The following ADNP variants were observed in gnomAD, a reference collection of about 807,000 sequenced individuals.
The protein encoded by ADNP is activity dependent neuroprotector homeobox, also known as activity-dependent neuroprotector homeobox protein.
ADNP carries 4 observed loss-of-function variants against 84.9 expected under a neutral mutation model. That is an observed-to-expected ratio of 0.05 (90% CI 0.02 to 0.11). The LOEUF (loss-of-function observed/expected upper bound fraction) is 0.11, where lower values mean the gene tolerates loss of function less well. Among genes scored for constraint, ADNP ranks in the 10% least tolerant of loss-of-function variants. The probability of loss-of-function intolerance (pLI) is 1.00; values close to 1 mark genes in which losing one functional copy is unlikely to be tolerated. For missense variants in ADNP, 1,132 were observed against 1,326.0 expected, an observed-to-expected ratio of 0.85 and a Z score of 2.27; for synonymous variants, 554 against 468.1, an observed-to-expected ratio of 1.18 and a Z score of -2.37.
Position 50,891,959 on chromosome 20 carries a change from C to G in ADNP, c.2755G>C (p.Asp919His). ...AGCTTCTCCTCAGATTCTGAAGCAT[C>G]CTCAGGAATTACCTTCAGTACATGT... ...EEHVLKVIPE[D>H]ASESEEKLDQ... is the part of the protein sequence containing the mutation. Residue 919 changes from aspartate to histidine, a missense_variant, in exon 6 of 6, where the codon GAT (aspartate) becomes CAT (histidine). Asp to His is a moderately conservative substitution (Grantham distance 81). Transcript: ENST00000621696. The G allele has an allele frequency of 6.2e-7, 1 of 1,614,180 alleles. No homozygotes were observed. Among genetic ancestry groups the G allele is most frequent in the Non-Finnish European group, 8.5e-7 (1 of 1,180,030 alleles).
chr20:50,927,977 C>T (rs1984398751), intron 2 of ADNP, among the ~76,000 whole-genome samples: 1 of 152,238 alleles, frequency 6.6e-6, no homozygotes, highest in Non-Finnish European at 1.5e-5. Flanking sequence ...TACCTGCCTA[C>T]AAATACTATA....
intron 5 of ADNP, among the ~76,000 whole-genome samples, chr20:50,897,725 A>T (rs772995805): frequency 2.6e-5 from 4 of 152,214 alleles, no homozygotes; most frequent in Admixed American, 6.5e-5. Context: ...TAACTCCATC[A>T]GTTGGATCAA....
intron 5 of ADNP, among the ~76,000 whole-genome samples, chr20:50,900,549 G>A (rs562018709): frequency 1.3e-5 from 2 of 152,272 alleles, no homozygotes; most frequent in South Asian, 2.1e-4. Flanking sequence ...CATATGTTGC[G>A]CTATGATGTC....
chr20:50,925,976 C>T (rs1444706724), intron 2 of ADNP, among the ~76,000 whole-genome samples: 2 of 152,196 alleles, frequency 1.3e-5, no homozygotes, highest in African/African-American at 4.8e-5. Context: ...TGGCAGGCAC[C>T]TGTAATCCCA....
At chr20:50,923,586 T>C (rs1216887627) in intron 2 of ADNP, among the ~76,000 whole-genome samples, 1 of 152,130 alleles carries the variant, frequency 6.6e-6, no homozygotes. Context: ...GGTGCCATCT[T>C]GGCTCACTGC....
At chr20:50,903,575 T>C (rs899564403) in intron 4 of ADNP, among the ~76,000 whole-genome samples, 3 of 152,182 alleles carry the variant, frequency 2.0e-5, no homozygotes, top group East Asian at 1.9e-4. Flanking sequence ...GAAGTGGAGA[T>C]AAGAACTGCT....
chr20:50,930,071 A>G (rs1984575209), intron 1 of ADNP, among the ~76,000 whole-genome samples: 1 of 152,080 alleles, frequency 6.6e-6, no homozygotes, highest in Non-Finnish European at 1.5e-5. Flanking sequence ...CAGGCCTCCC[A>G]GAGGAAAGAA....
At chr20:50,918,394 G>A (rs1189676533) in intron 2 of ADNP, among the ~76,000 whole-genome samples, 1 of 152,020 alleles carries the variant, frequency 6.6e-6, no homozygotes, top group Non-Finnish European at 1.5e-5. Context: ...GCATTTTGAA[G>A]GTCTATACAA....
intron 1 of ADNP, among the ~76,000 whole-genome samples, chr20:50,929,141 A>C (rs1984481079): frequency 6.6e-6 from 1 of 152,200 alleles, no homozygotes; most frequent in African/African-American, 2.4e-5. Context: ...TTGGCCTATG[A>C]AGAAGGGAGT....
chr20:50,929,045 AG>A (rs1984473063), intron 1 of ADNP, among the ~76,000 whole-genome samples: 1 of 151,448 alleles, frequency 6.6e-6, no homozygotes, highest in Non-Finnish European at 1.5e-5. Flanking sequence ...TTTACCAACA[AG>A]GCTTTGCAAA....
intron 2 of ADNP, among the ~76,000 whole-genome samples, chr20:50,919,544 T>C (rs1279178242): frequency 1.3e-5 from 2 of 151,998 alleles, no homozygotes; most frequent in African/African-American, 4.8e-5. Flanking sequence ...AATGAATGAA[T>C]CTCTGCCTAG....
intron 2 of ADNP, among the ~76,000 whole-genome samples, chr20:50,909,109 G>A (rs1024988875): frequency 6.6e-6 from 1 of 150,820 alleles, no homozygotes; most frequent in South Asian, 2.1e-4. Flanking sequence ...GGTGGCTCAC[G>A]CCTATAATCC....
At chr20:50,914,227 C>T in intron 2 of ADNP, 2 of 747,830 alleles carry the variant, frequency 2.7e-6, no homozygotes, top group South Asian at 3.2e-5. Context: ...CACAATCATC[C>T]AAGACACTGA....
rs991883010 is a variant in ADNP, at chr20:50,928,663, A to T, written c.-102T>A. On this transcript the variant is annotated 5_prime_UTR_variant, in exon 2 of 6. An upstream open reading frame in the 5' UTR gains an earlier in-frame stop. Transcript: ENST00000621696. ...TGAATATACCCACCGGTGTGAATTG[A>T]CAATGTGGTCCAAAGAGCAAGGCAG... 6.6e-6 allele frequency: 1 copy of T among 152,206 alleles called. No individual in the cohort carries two copies. Among genetic ancestry groups the T allele is most frequent in the African/African-American group, 2.4e-5 (1 of 41,434 alleles). 9.4% of individuals were successfully genotyped at this position (152,206 alleles called of 1,614,324 possible). A position where few individuals can be genotyped will look rare whatever the true frequency, so the allele number is the denominator to read the frequency against.
At position 50,891,453 on chromosome 20, in the gene ADNP, G is replaced by T. The variant is rs749829736; in HGVS notation, c.3261C>A (p.Pro1087=). ...FDNMTDGVAE[P]MHGSLAGVKL... ...TAACTCCGGCTAAGCTGCCATGCAT[G>T]GGCTCAGCTACTCCATCAGTCATGT... Residue 1087 remains proline, a synonymous_variant, in exon 6 of 6, where the codon CCC becomes CCA. Coordinates refer to ENST00000621696, the MANE Select transcript of ADNP (RefSeq NM_001282531.3). The T allele has an allele frequency of 1.9e-6, 3 of 1,612,446 alleles. No homozygotes were observed. The highest frequency in any genetic ancestry group is 1.7e-6 in the Non-Finnish European group (2 of 1,179,932).
chr20:50,920,304 A>C (rs1205770210), intron 2 of ADNP, among the ~76,000 whole-genome samples: 5 of 145,624 alleles, frequency 3.4e-5, no homozygotes, highest in Non-Finnish European at 7.5e-5. Context: ...AAAGAAAAAG[A>C]AAGCAGTGGC....
rs1239758386 is a variant in ADNP, at chr20:50,931,104, C to T, written c.-543G>A. On this transcript the variant is annotated 5_prime_UTR_variant, in exon 1 of 6. Coordinates refer to ENST00000621696, the MANE Select transcript of ADNP (RefSeq NM_001282531.3). Reference sequence around the variant, plus strand: ...GAGGAGACGGAGGGTGTGGGAGAGGCGGCTTCACCGGCGCGGGCGGCGGCG... The same window carrying T: ...GAGGAGACGGAGGGTGTGGGAGAGGTGGCTTCACCGGCGCGGGCGGCGGCG... 2 of 149,466 alleles carry T rather than the reference C, an allele frequency of 1.3e-5. No individual in the cohort carries two copies. Among genetic ancestry groups the T allele is most frequent in the South Asian group, 1.8e-4 (1 of 5,636 alleles). 9.3% of individuals were successfully genotyped at this position (149,466 alleles called of 1,614,324 possible). A position where few individuals can be genotyped will look rare whatever the true frequency, so the allele number is the denominator to read the frequency against.
Position 50,891,671 on chromosome 20 carries a change from T to C in ADNP, c.3043A>G (p.Lys1015Glu). ...DARSSKPAAK[K>E]KATMQGDREQ... is the part of the protein sequence containing the mutation. ...CTGTCACCTTGCATGGTAGCCTTTT[T>C]TTTGGCAGCTGGCTTACTGCTCCTT... is the stretch of plus-strand genomic sequence containing the variant. Residue 1015 changes from lysine to glutamate, a missense_variant, in exon 6 of 6, where the codon AAA becomes GAA. Coordinates refer to ENST00000621696, the MANE Select transcript of ADNP (RefSeq NM_001282531.3). 1 of 1,614,250 alleles carries C rather than the reference T, an allele frequency of 6.2e-7. No individual in the cohort carries two copies. Among genetic ancestry groups the C allele is most frequent in the Non-Finnish European group, 8.5e-7 (1 of 1,180,050 alleles).
chr20:50,927,793 G>A (rs527780063), intron 2 of ADNP, among the ~76,000 whole-genome samples: 39 of 152,286 alleles, frequency 2.6e-4, no homozygotes, highest in Non-Finnish European at 4.6e-4. Flanking sequence ...AAGGGAAAAT[G>A]GCTGTTACCA....
Sources: allele counts gnomAD v4.1 joint callset (sites outside exome capture counted in the v4.1 genomes callset), GRCh38; gene constraint gnomAD v4.1.1; transcripts MANE v1.5; gene names NCBI Gene and HGNC (gene_info 2026-07-23, HGNC 2026-07-21).